Variants in CYP27C1 observed in about 807,000 individuals in gnomAD.
The protein encoded by CYP27C1 is cytochrome P450 family 27 subfamily C member 1.
Under a neutral mutation model 40.6 loss-of-function variants are expected in CYP27C1, and 29 were observed. The ratio of observed to expected loss-of-function variants is 0.71; its 90% CI spans 0.53 to 0.97. The LOEUF (loss-of-function observed/expected upper bound fraction) is 0.97. Ranked by LOEUF, CYP27C1 falls within the 50% of genes least tolerant of loss-of-function variation. The pLI is 0.00. For missense variants in CYP27C1, 390 were observed against 485.8 expected, an observed-to-expected ratio of 0.80 and a Z score of 1.85; for synonymous variants, 198 against 186.8, an observed-to-expected ratio of 1.06 and a Z score of -0.49.
In CYP27C1 at chr2:127,203,353, C is replaced by A; in HGVS notation, c.673+19G>T. ...AGTATCCATTCTTCCCTCCTTCCCA[C>A]CTGCTGATTCCACCTCACCTTCCAT... On this transcript the variant is annotated intron_variant, in intron 3 of 8. Coordinates refer to ENST00000664447, the MANE Select transcript of CYP27C1 (RefSeq NM_001367502.1). 6.2e-7 allele frequency: 1 copy of A among 1,608,704 alleles called. No homozygotes were observed. Among genetic ancestry groups the A allele is most frequent in the Non-Finnish European group, 8.5e-7 (1 of 1,177,322 alleles).
chr2:127,211,278 A>G (rs1364810158), intron 1 of CYP27C1, among the ~76,000 whole-genome samples: 1 of 152,172 alleles, frequency 6.6e-6, no homozygotes, highest in Admixed American at 6.5e-5. Flanking sequence ...TAATGAAATT[A>G]AAGCAGAAAT....
chr2:127,193,849 T>G lies in CYP27C1; in HGVS notation c.1233A>C (p.Pro411=). The change falls in exon 7 of 9, where the codon CCA becomes CCC. Residue 411 remains proline, a synonymous_variant. Coordinates refer to ENST00000664447, the MANE Select transcript of CYP27C1 (RefSeq NM_001367502.1). ...CTTCCTGGGTGACCCGGCCGTTCCCTGGCAGCACTGGAAACAGCCTGGAAA... is the reference window on the plus strand; with the variant it reads ...CTTCCTGGGTGACCCGGCCGTTCCCGGGCAGCACTGGAAACAGCCTGGAAA... ...KETLRLFPVL[P]GNGRVTQEDL... The G allele has an allele frequency of 6.2e-7, 1 of 1,614,154 alleles. No individual in the cohort carries two copies. Among genetic ancestry groups the G allele is most frequent in the East Asian group, 2.2e-5 (1 of 44,872 alleles).
rs1682872508 is a variant in CYP27C1 at position 127,195,072 on chromosome 2, T to G, written c.1214+263A>C. Reference sequence around the variant, plus strand: ...CTTGAACTCCTGACCTCAGGTAATCTGCCTTGGCCTCCCAAAGTGCTGGGA... The same window carrying G: ...CTTGAACTCCTGACCTCAGGTAATCGGCCTTGGCCTCCCAAAGTGCTGGGA... On this transcript the variant is annotated intron_variant, in intron 6 of 8. Coordinates refer to ENST00000664447, the MANE Select transcript of CYP27C1 (RefSeq NM_001367502.1). This position sits in a 1 kb window ranked among gnomAD's most constrained non-coding sequence, Gnocchi z 6.2. Among the ~76,000 whole-genome samples the G allele has an allele frequency of 6.6e-6, 1 of 152,118 alleles. No individual in the cohort carries two copies. The highest frequency in any genetic ancestry group is 2.1e-4 in the South Asian group (1 of 4,832).
chr2:127,207,586 C>T (rs919288665), intron 1 of CYP27C1, among the ~76,000 whole-genome samples: 1 of 152,088 alleles, frequency 6.6e-6, no homozygotes, highest in Non-Finnish European at 1.5e-5. Context: ...GGGAGGATCA[C>T]GTGAGCTCAG....
intron 7 of CYP27C1, 29 bp downstream of exon 7, chr2:127,193,760 C>T (rs758475563): frequency 6.2e-7 from 1 of 1,613,212 alleles, no homozygotes; most frequent in Non-Finnish European, 8.5e-7. Context: ...ACCCGCAAGG[C>T]CTGGCCACCC....
Position 127,205,961 on chromosome 2 carries a change from T to G in CYP27C1, c.412A>C (p.Asn138His), listed in dbSNP as rs1683218334. 6.6e-6 allele frequency among the ~76,000 whole-genome samples: 1 copy of G among 152,230 alleles called. No homozygotes were observed. Among genetic ancestry groups the G allele is most frequent in the Non-Finnish European group, 1.5e-5 (1 of 68,040 alleles). The change falls in exon 2 of 9, where the codon AAC (asparagine) becomes CAC (histidine). Residue 138 changes from asparagine (N) to histidine (H), a missense_variant. Asn to His is a moderately conservative substitution (Grantham distance 68). Coordinates refer to ENST00000664447, the MANE Select transcript of CYP27C1 (RefSeq NM_001367502.1). The part of the protein sequence containing the change: ...RAEGAAPQRA[N>H]MESWREYRDL... ...CGGTACTCCCGCCAGGACTCCATGT[T>G]GGCTCTCTGGGGCGCAGCGCCCTCC...
At chr2:127,190,137 T>G (rs1165472044) in intron 8 of CYP27C1, among the ~76,000 whole-genome samples, 2 of 152,186 alleles carry the variant, frequency 1.3e-5, no homozygotes, top group Admixed American at 6.5e-5. Context: ...TGATTCGATA[T>G]CTTAGGTCTG....
chr2:127,190,342 C>CTTTTTTTTTTTTTTT (rs1241035422), intron 8 of CYP27C1, among the ~76,000 whole-genome samples: 57 of 96,644 alleles, frequency 5.9e-4, no homozygotes, highest in Non-Finnish European at 7.4e-4. Context: ...TTTTTTTTTT[C>CTTTTTTTTTTTTTTT]TTTTTTTTTT....
At chr2:127,205,081 G>A (rs1253993952) in intron 2 of CYP27C1, among the ~76,000 whole-genome samples, 4 of 152,172 alleles carry the variant, frequency 2.6e-5, no homozygotes, top group African/African-American at 4.8e-5. Context: ...GAGGGGTCCA[G>A]GCACCCACAC....
rs897719579 is a variant in CYP27C1 at position 127,184,506 on chromosome 2, G to T, written c.*2765C>A. ...TCAGCTCACTGCAAACTGCCTCCCA[G>T]GTTCAAGCAATTCTCCTGCCTCAGC... On this transcript the variant is annotated 3_prime_UTR_variant, in exon 9 of 9. Coordinates refer to ENST00000664447, the MANE Select transcript of CYP27C1 (RefSeq NM_001367502.1). The T allele has an allele frequency of 4.6e-5, 7 of 151,912 alleles. No individual in the cohort carries two copies. Among genetic ancestry groups the T allele is most frequent in the African/African-American group, 1.7e-4 (7 of 41,336 alleles). 9.4% of individuals were successfully genotyped at this position (151,912 alleles called of 1,614,324 possible).
chr2:127,203,506 A>C lies in CYP27C1; in HGVS notation c.539T>G (p.Val180Gly). 6.2e-7 allele frequency: 1 copy of C among 1,614,044 alleles called. No homozygotes were observed. The highest frequency in any genetic ancestry group is 8.5e-7 in the Non-Finnish European group (1 of 1,180,002). ...LRQRILKPKD[V>G]AIYSGEVNQV... is the part of the protein sequence containing the mutation. ...GTTGACTTCTCCAGAATAAATGGCC[A>C]CATCTTTCGGTTTCAGAATTCTTTG... The change falls in exon 3 of 9, where the codon GTG becomes GGG. Residue 180 changes from valine to glycine, a missense_variant. Transcript: ENST00000664447.
rs201941366 is a variant in CYP27C1 at position 127,201,161 on chromosome 2, G to T, written c.844C>A (p.Arg282=). ...WLRPFIPKPW[R]EFCRSWDGLF... is the part of the protein sequence containing the mutation. ...CCATCCCAGGACCTGCAGAATTCCCGCCAGGGCTTTGGGATGAAGGGGCGA... is the reference window on the plus strand; with the variant it reads ...CCATCCCAGGACCTGCAGAATTCCCTCCAGGGCTTTGGGATGAAGGGGCGA... Residue 282 remains arginine, a synonymous_variant, in exon 4 of 9, where the codon CGG becomes AGG. Coordinates refer to ENST00000664447, the MANE Select transcript of CYP27C1 (RefSeq NM_001367502.1). The surrounding 1 kb of genome is among the most constrained non-coding windows in gnomAD (Gnocchi z 6.0). 8.7e-6 allele frequency: 14 copies of T among 1,613,802 alleles called. No individual in the cohort carries two copies. In the South Asian group the frequency reaches 1.5e-4, roughly 18 times the overall value.
chr2:127,193,395 T>C, intron 7 of CYP27C1, 98 bp from the exon 8 acceptor site: 1 of 1,477,262 alleles, frequency 6.8e-7, no homozygotes, highest in Non-Finnish European at 9.3e-7. Flanking sequence ...CCCGGGGTGC[T>C]CCCGCCTGGG....
chr2:127,195,654 G>A lies in CYP27C1; in HGVS notation c.1048-153C>T, dbSNP rs181458316. ...TAGCACCTAATGTCTTACTAAAAAC[G>A]AAAGACTGTTTCCTTAATTCATGGC... On this transcript the variant is annotated intron_variant, in intron 5 of 8. Coordinates refer to ENST00000664447, the MANE Select transcript of CYP27C1 (RefSeq NM_001367502.1). This position sits in a 1 kb window ranked among gnomAD's most constrained non-coding sequence, Gnocchi z 6.2. Among the ~76,000 whole-genome samples the A allele has an allele frequency of 2.0e-5, 3 of 152,242 alleles. No homozygotes were observed. The highest frequency in any genetic ancestry group is 1.9e-4 in the East Asian group (1 of 5,180).
intron 1 of CYP27C1, among the ~76,000 whole-genome samples, chr2:127,215,362 T>TA (rs956226113): frequency 3.3e-5 from 5 of 152,026 alleles, no homozygotes; most frequent in African/African-American, 9.7e-5. Context: ...TCACACTATA[T>TA]AAAAAAATTA....
intron 8 of CYP27C1, among the ~76,000 whole-genome samples, chr2:127,191,905 T>C (rs908414845): frequency 1.3e-5 from 2 of 152,218 alleles, no homozygotes; most frequent in Non-Finnish European, 2.9e-5. Context: ...GGGCCACCTG[T>C]GCCTCCAGAG....
At chr2:127,191,786 C>T (rs1573891087) in intron 8 of CYP27C1, among the ~76,000 whole-genome samples, 1 of 152,240 alleles carries the variant, frequency 6.6e-6, no homozygotes, top group South Asian at 2.1e-4. Context: ...GCTCCCCCTA[C>T]ACATCGAGCT....
rs1360355008 is a variant in CYP27C1 at position 127,204,606 on chromosome 2, AAAGAAAGAAAGAAAGAAAG to A, written c.474-1054_474-1036del. Among the ~76,000 whole-genome samples the A allele has an allele frequency of 6.4e-4, 65 of 101,008 alleles. 1 individual carries two copies. Among genetic ancestry groups the A allele is most frequent in the African/African-American group, 1.5e-3 (36 of 23,940 alleles). The allele number at this position is 101,008 out of a possible 152,430, so 66.3% of individuals were successfully genotyped here. On this transcript the variant is annotated intron_variant, in intron 2 of 8. Transcript: ENST00000664447. ...GAAAGAAAGAAAGAAAGAAAGAAAG[AAAGAAAGAAAGAAAGAAAG>A]AAGACTGCAGCTTGTTACCAGGGTG...
intron 8 of CYP27C1, among the ~76,000 whole-genome samples, chr2:127,188,114 G>C (rs931945149): frequency 1.3e-5 from 2 of 152,206 alleles, no homozygotes; most frequent in Admixed American, 6.5e-5. Context: ...AGGCTCCTGG[G>C]GGGAGGAGGG....
Sources: gnomAD v4.1 joint callset for allele counts (sites outside exome capture counted in the v4.1 genomes callset) on GRCh38, gnomAD v4.1.1 for gene constraint, Gnocchi (gnomAD v3.1) non-coding constraint, MANE v1.5 for transcripts, NCBI Gene and HGNC (gene_info 2026-07-23, HGNC 2026-07-21) for gene names.